Variants in ASAP3 observed in about 807,000 individuals in gnomAD.
The protein encoded by ASAP3 is ArfGAP with SH3 domain, ankyrin repeat and PH domain 3.
A neutral mutation model predicts 118.2 loss-of-function variants in ASAP3; 85 were observed. That is an observed-to-expected ratio of 0.72 (90% CI 0.60 to 0.86). The LOEUF is 0.86. Among genes scored for constraint, ASAP3 ranks in the 40% least tolerant of loss-of-function variants. The pLI is 0.00. For missense variants in ASAP3, 1,026 were observed against 1,175.0 expected, an observed-to-expected ratio of 0.87 and a Z score of 1.85; for synonymous variants, 432 against 477.4, an observed-to-expected ratio of 0.90 and a Z score of 1.24.
Position 23,436,001 on chromosome 1 carries a change from G to A in ASAP3, c.1599C>T (p.Ala533=), listed in dbSNP as rs777726052. 6.2e-7 allele frequency: 1 copy of A among 1,614,226 alleles called. No homozygotes were observed. Among genetic ancestry groups the A allele is most frequent in the South Asian group, 1.1e-5 (1 of 91,084 alleles). The part of the protein sequence containing the change: ...DMGTRRDYIM[A]KYVEHRFARR... ...GTGCAAACCTATGCTCCACATACTT[G>A]GCCATAATGTAGTCCCTGCGGGTGC... is the stretch of plus-strand genomic sequence containing the variant. Residue 533 remains alanine (A), a synonymous_variant, in exon 17 of 25, where the codon GCC becomes GCT. Coordinates refer to ENST00000336689, the MANE Select transcript of ASAP3 (RefSeq NM_017707.4). This position sits in a 1 kb window ranked among gnomAD's most constrained non-coding sequence, Gnocchi z 4.2.
chr1:23,431,915 C>T lies in ASAP3; in HGVS notation c.2327G>A (p.Arg776His), dbSNP rs746655789. The change falls in exon 23 of 25, where the codon CGT becomes CAT. Residue 776 changes from arginine to histidine, a missense_variant. Transcript: ENST00000336689. ...TGAACTCAGGCTGGAGACTTCAGAA[C>T]GATCTGGAATCAGAAACATCAGAAA... The part of the protein sequence containing the change: ...QGCARHASGD[R>H]SEVSSLSSEA... 1.4e-5 allele frequency: 22 copies of T among 1,612,934 alleles called. No homozygotes were observed. Among genetic ancestry groups the T allele is most frequent in the South Asian group, 3.3e-5 (3 of 91,022 alleles).
intron 23 of ASAP3, 62 bp downstream of exon 23, chr1:23,431,634 T>C (rs773632491): frequency 5.6e-6 from 8 of 1,430,706 alleles, no homozygotes; most frequent in Non-Finnish European, 7.5e-6. Flanking sequence ...GGTGTGGAAA[T>C]CAATGGATGC....
chr1:23,481,279 C>A (rs912398519), intron 1 of ASAP3, among the ~76,000 whole-genome samples: 1 of 152,136 alleles, frequency 6.6e-6, no homozygotes, highest in Non-Finnish European at 1.5e-5. Flanking sequence ...AGGACAGGGT[C>A]CCTAGTTACT....
Position 23,434,350 on chromosome 1 carries a change from C to A in ASAP3, c.1855G>T (p.Ala619Ser), listed in dbSNP as rs1001003079. The change falls in exon 19 of 25, where the codon GCT becomes TCT. Residue 619 changes from alanine (A) to serine (S), a missense_variant. Physicochemically the swap from Ala to Ser is moderately conservative, Grantham distance 99. Transcript: ENST00000336689. ...IQNGGHLDAK[A>S]ADGNTALHYA... ...TGCAGAGCCGTGTTCCCGTCAGCAG[C>A]CTTGGCATCCAGGTGACCACTGGGG... 1 of 1,614,050 alleles carries A rather than the reference C, an allele frequency of 6.2e-7. No homozygotes were observed. The highest frequency in any genetic ancestry group is 8.5e-7 in the Non-Finnish European group (1 of 1,180,030).
chr1:23,453,058 G>A (rs1439900286), intron 3 of ASAP3, among the ~76,000 whole-genome samples: 3 of 152,096 alleles, frequency 2.0e-5, no homozygotes, highest in African/African-American at 7.2e-5. Context: ...AGGGGAGGCC[G>A]AGGTGTGTCA....
intron 1 of ASAP3, among the ~76,000 whole-genome samples, chr1:23,481,370 G>T (rs1642301322): frequency 6.6e-6 from 1 of 152,198 alleles, no homozygotes. Flanking sequence ...CTACAAGCCT[G>T]GGGGTGGGTT....
At position 23,440,458 on chromosome 1, in the gene ASAP3, G is replaced by A. The variant is rs867825515; in HGVS notation, c.944+644C>T. Among the ~76,000 whole-genome samples the A allele has an allele frequency of 2.9e-4, 34 of 117,006 alleles. 1 individual carries two copies. The highest frequency in any genetic ancestry group is 7.5e-3 in the Middle Eastern group (1 of 134). The allele number at this position is 117,006 out of a possible 152,430, so 76.8% of individuals were successfully genotyped here. A position where few individuals can be genotyped will look rare whatever the true frequency, so the allele number is the denominator to read the frequency against. On this transcript the variant is annotated intron_variant, in intron 10 of 24. Coordinates refer to ENST00000336689, the MANE Select transcript of ASAP3 (RefSeq NM_017707.4). ...GGAGGTTGCAGTGAGCTGAGATCAC[G>A]TCACTGCACTCCAGCCTGGGTGACG...
chr1:23,429,479 G>A lies in ASAP3; in HGVS notation c.*377C>T, dbSNP rs1640348433. 1 of 169,252 alleles carries A rather than the reference G, an allele frequency of 5.9e-6. No homozygotes were observed. Among genetic ancestry groups the A allele is most frequent in the South Asian group, 1.8e-4 (1 of 5,686 alleles). 10.5% of individuals were successfully genotyped at this position (169,252 alleles called of 1,614,324 possible). A position where few individuals can be genotyped will look rare whatever the true frequency, so the allele number is the denominator to read the frequency against. On this transcript the variant is annotated 3_prime_UTR_variant, in exon 25 of 25. Coordinates refer to ENST00000336689, the MANE Select transcript of ASAP3 (RefSeq NM_017707.4). ...CCCTACTTGGCAGGGTCCCTGATCT[G>A]GAAGTCAGTGATGGAGGGCTCTCCT...
chr1:23,433,461 C>T lies in ASAP3; in HGVS notation c.2091G>A (p.Glu697=), dbSNP rs200850317. ...HVDYSWVIST[E]PGSDSEEDEE... is the part of the protein sequence containing the mutation. ...CATCCTCCTCACTGTCAGAGCCAGG[C>T]TCTGTGGAAATTACCCAGGAGTAGT... Residue 697 remains glutamate, a synonymous_variant, in exon 21 of 25, where the codon GAG becomes GAA. Transcript: ENST00000336689. The T allele has an allele frequency of 6.4e-5, 104 of 1,614,108 alleles. No homozygotes were observed. The highest frequency in any genetic ancestry group is 6.2e-5 in the Non-Finnish European group (73 of 1,180,044).
intron 5 of ASAP3, among the ~76,000 whole-genome samples, chr1:23,448,415 C>A (rs1195888716): frequency 6.6e-6 from 1 of 152,112 alleles, no homozygotes; most frequent in Non-Finnish European, 1.5e-5. Context: ...CTGCCTGGCA[C>A]AAAGGAAACT....
chr1:23,429,924 T>A lies in ASAP3; in HGVS notation c.2644A>T (p.Ile882Phe). The change falls in exon 25 of 25, where the codon ATC becomes TTC. Residue 882 changes from isoleucine to phenylalanine, a missense_variant. Coordinates refer to ENST00000336689, the MANE Select transcript of ASAP3 (RefSeq NM_017707.4). ...PLPRRNVPVG[I>F]TEGDGSRTGS... is the part of the protein sequence containing the mutation. ...GTCCTTGAGCCATCTCCTTCAGTGA[T>A]GCCAACCTGCAGAAAGAAGGATGAA... 6.2e-7 allele frequency: 1 copy of A among 1,613,814 alleles called. No homozygotes were observed. Among genetic ancestry groups the A allele is most frequent in the Non-Finnish European group, 8.5e-7 (1 of 1,179,836 alleles).
chr1:23,442,466 C>A (rs1317304737), intron 6 of ASAP3, 35 bp downstream of exon 6: 1 of 1,605,210 alleles, frequency 6.2e-7, no homozygotes, highest in South Asian at 1.1e-5. Flanking sequence ...AGACACATCC[C>A]ACGCCCCCCC....
chr1:23,445,870 G>A (rs1016385402), intron 5 of ASAP3, among the ~76,000 whole-genome samples: 3 of 151,318 alleles, frequency 2.0e-5, no homozygotes, highest in Admixed American at 1.3e-4. Context: ...AAGTCCCAGC[G>A]ACATGGGAGG....
At chr1:23,445,851 T>C (rs1315697522) in intron 5 of ASAP3, among the ~76,000 whole-genome samples, 4 of 151,772 alleles carry the variant, frequency 2.6e-5, no homozygotes, top group African/African-American at 9.7e-5. Flanking sequence ...CATGGTAGCA[T>C]GGTCCTGTAA....
At chr1:23,435,523 T>C (rs1293538335) in intron 17 of ASAP3, among the ~76,000 whole-genome samples, 1 of 152,242 alleles carries the variant, frequency 6.6e-6, no homozygotes, top group Non-Finnish European at 1.5e-5. Context: ...TTAACGTTTA[T>C]TGCATGCCCA....
chr1:23,446,528 C>T (rs1301684404), intron 5 of ASAP3, among the ~76,000 whole-genome samples: 1 of 151,594 alleles, frequency 6.6e-6, no homozygotes, highest in Non-Finnish European at 1.5e-5. Flanking sequence ...ACCTCTGCCT[C>T]CCAGGTTCAA....
At chr1:23,433,041 G>A (rs369431486) in intron 22 of ASAP3, 36 bp downstream of exon 22, 169 of 1,611,252 alleles carry the variant, frequency 1.0e-4, no homozygotes, top group Middle Eastern at 5.1e-4. Flanking sequence ...CTCTGTGAAT[G>A]GCATGGTGAG....
At chr1:23,481,550 GTGTTTGGGTGCCGCAAGCCTTTC>G (rs1439311150) in intron 1 of ASAP3, among the ~76,000 whole-genome samples, 3 of 152,208 alleles carry the variant, frequency 2.0e-5, no homozygotes, top group Admixed American at 2.0e-4. Context: ...GAGAAAAGCT[GTGTTTGGGTGCCGCAAGCCTTTC>G]TGTTGTAACA....
At chr1:23,478,526 C>T (rs751900542) in intron 1 of ASAP3, among the ~76,000 whole-genome samples, 3 of 151,754 alleles carry the variant, frequency 2.0e-5, no homozygotes, top group Non-Finnish European at 4.4e-5. Context: ...TTTGAGAGGA[C>T]GAGGCGGGTG....
Sources: allele counts gnomAD v4.1 joint callset (sites outside exome capture counted in the v4.1 genomes callset), GRCh38; gene constraint gnomAD v4.1.1; non-coding constraint Gnocchi (gnomAD v3.1); transcripts MANE v1.5; gene names NCBI Gene and HGNC (gene_info 2026-07-23, HGNC 2026-07-21).